The following BPIFB4 variants were observed in gnomAD, a reference collection of about 807,000 sequenced individuals.
BPIFB4 encodes BPI fold containing family B member 4.
A neutral mutation model predicts 69.2 loss-of-function variants in BPIFB4; 62 were observed. The observed-to-expected ratio is 0.90, with a 90% CI of 0.73 to 1.11. The LOEUF (loss-of-function observed/expected upper bound fraction) is 1.11. BPIFB4 is among the 50% of genes least tolerant of loss of function. BPIFB4 has a pLI of 0.00. For synonymous variants in BPIFB4, 330 were observed against 332.7 expected, an observed-to-expected ratio of 0.99 and a Z score of 0.09; for missense variants, 789 against 792.0, an observed-to-expected ratio of 1.00 and a Z score of 0.04.
chr20:33,099,800 T>C (rs1453068354), intron 13 of BPIFB4, among the ~76,000 whole-genome samples: 1 of 152,224 alleles, frequency 6.6e-6, no homozygotes, highest in Admixed American at 6.5e-5. Flanking sequence ...CATTGTTATC[T>C]ACTAACATCA....
intron 3 of BPIFB4, among the ~76,000 whole-genome samples, chr20:33,082,307 G>A (rs923489786): frequency 3.3e-5 from 5 of 151,080 alleles, no homozygotes; most frequent in African/African-American, 1.2e-4. Flanking sequence ...AATCAGTTGC[G>A]ATAATACATA....
chr20:33,108,967 G>T (rs954068971), intron 17 of BPIFB4, among the ~76,000 whole-genome samples: 41 of 152,150 alleles, frequency 2.7e-4, no homozygotes, highest in Non-Finnish European at 8.8e-5. Flanking sequence ...TTCATGACAG[G>T]CTCAGACCCA....
chr20:33,101,143 C>T lies in BPIFB4; in HGVS notation c.1637+650C>T, dbSNP rs537628507. Among the ~76,000 whole-genome samples the T allele has an allele frequency of 9.2e-5, 14 of 152,200 alleles. No homozygotes were observed. The East Asian group carries it at 1.9e-3, about 21-fold the overall frequency. On this transcript the variant is annotated intron_variant, in intron 14 of 17. Transcript: ENST00000375483. ...CTCTGCTCTATGTACTTGAAGTGTA[C>T]GTATTATCTTGTTTCTCCCCTCTGA...
chr20:33,107,201 T>TA lies in BPIFB4; in HGVS notation c.1745-532dup, dbSNP rs1040239751. 3.6e-3 allele frequency among the ~76,000 whole-genome samples: 484 copies of TA among 135,786 alleles called. 3 individuals are homozygous for TA. Among genetic ancestry groups the TA allele is most frequent in the Non-Finnish European group, 5.9e-3 (376 of 63,666 alleles). 89.1% of individuals were successfully genotyped at this position (135,786 alleles called of 152,430 possible). A position where few individuals can be genotyped will look rare whatever the true frequency, so the allele number is the denominator to read the frequency against. On this transcript the variant is annotated intron_variant, in intron 16 of 17. Coordinates refer to ENST00000375483, the MANE Select transcript of BPIFB4 (RefSeq NM_182519.3). ...CTGGGGCAACAGAGCAAGACTCAGT[T>TA]AAAAAAAAAAATGAAAGAAAGAAGG...
intron 15 of BPIFB4, 75 bp from the exon 16 acceptor site, chr20:33,104,735 G>A: frequency 7.1e-7 from 1 of 1,412,094 alleles, no homozygotes; most frequent in Non-Finnish European, 9.9e-7. Flanking sequence ...CTTGAGCCAG[G>A]GGAGCAGACC....
At position 33,088,946 on chromosome 20, in the gene BPIFB4, T is replaced by A. The variant is rs769308715; in HGVS notation, c.927-20T>A. On this transcript the variant is annotated intron_variant, in intron 7 of 17. Coordinates refer to ENST00000375483, the MANE Select transcript of BPIFB4 (RefSeq NM_182519.3). The stretch of plus-strand genomic sequence containing the variant: ...CACATGGCTGCGAGCCTTGACCTCA[T>A]CCTGCTCCTGTCTCCTTAGGCTTCT... 1.2e-6 allele frequency: 2 copies of A among 1,613,504 alleles called. No homozygotes were observed. Among genetic ancestry groups the A allele is most frequent in the Non-Finnish European group, 1.7e-6 (2 of 1,179,558 alleles).
intron 16 of BPIFB4, among the ~76,000 whole-genome samples, chr20:33,107,250 A>AATAAAAGAAG (rs1287648001): frequency 1.6e-5 from 2 of 127,538 alleles, no homozygotes; most frequent in African/African-American, 5.5e-5. Context: ...AAGAAAAGAA[A>AATAAAAGAAG]AGAAAAGAAG....
chr20:33,084,834 G>T, intron 5 of BPIFB4, 58 bp from the exon 6 acceptor site: 1 of 1,573,342 alleles, frequency 6.4e-7, no homozygotes, highest in East Asian at 2.3e-5. Flanking sequence ...GAGGGCGCTC[G>T]GGTGAGTGGG....
At chr20:33,083,998 C>A in intron 5 of BPIFB4, 124 bp downstream of exon 5, 1 of 1,203,216 alleles carries the variant, frequency 8.3e-7, no homozygotes. Context: ...AGGGTTTGGC[C>A]TCAGGATTGG....
At chr20:33,095,762 G>A (rs1284770203) in intron 12 of BPIFB4, among the ~76,000 whole-genome samples, 1 of 152,172 alleles carries the variant, frequency 6.6e-6, no homozygotes, top group Non-Finnish European at 1.5e-5. Flanking sequence ...AAGGCAAGGA[G>A]CAGGCATTTG....
intron 8 of BPIFB4, 33 bp downstream of exon 8, chr20:33,089,062 C>G (rs1210528837): frequency 6.2e-7 from 1 of 1,613,390 alleles, no homozygotes; most frequent in Non-Finnish European, 8.5e-7. Context: ...GAGCAAGGGG[C>G]ACAGGCTTCC....
chr20:33,111,378 C>A (rs376734177), intron 17 of BPIFB4, 36 bp from the exon 18 acceptor site: 1 of 1,613,716 alleles, frequency 6.2e-7, no homozygotes, highest in African/African-American at 1.3e-5. Flanking sequence ...CAGAGCCACC[C>A]CACCCATCAC....
chr20:33,083,287 G>A, intron 4 of BPIFB4, 80 bp from the exon 5 acceptor site: 3 of 1,468,684 alleles, frequency 2.0e-6, no homozygotes, highest in Non-Finnish European at 2.8e-6. Context: ...GAGGGGGGCT[G>A]CTGGGTGGCA....
At chr20:33,096,075 G>A (rs570925212) in intron 12 of BPIFB4, among the ~76,000 whole-genome samples, 6 of 152,102 alleles carry the variant, frequency 3.9e-5, no homozygotes, top group African/African-American at 1.4e-4. Context: ...AAGGCTCTAG[G>A]GGGAGAACAA....
At position 33,103,106 on chromosome 20, in the gene BPIFB4, G is replaced by A; in HGVS notation, c.1680+92G>A. On this transcript the variant is annotated intron_variant, in intron 15 of 17. Coordinates refer to ENST00000375483, the MANE Select transcript of BPIFB4 (RefSeq NM_182519.3). ...AATGGTGTTCCTGTGAGGCTGGCTG[G>A]GCATGGGGAGTTTGTGAATTCCAAA... is the stretch of plus-strand genomic sequence containing the variant. 7.7e-6 allele frequency: 11 copies of A among 1,428,126 alleles called. No homozygotes were observed. The South Asian group carries it at 1.0e-4, about 13-fold the overall frequency. The allele number at this position is 1,428,126 out of a possible 1,614,324, so 88.5% of individuals were successfully genotyped here.
rs1435112038 is a variant in BPIFB4, at chr20:33,090,802, G to A, written c.1143+3G>A. On this transcript the variant is annotated splice_donor_region_variant and intron_variant, in intron 10 of 17. Coordinates refer to ENST00000375483, the MANE Select transcript of BPIFB4 (RefSeq NM_182519.3). Reference sequence around the variant, plus strand: ...AATTCCTGGAGCTGGACCTCAACGTGAGTGCCTGGGGTTCAGGGCAAAGGG... The same window carrying A: ...AATTCCTGGAGCTGGACCTCAACGTAAGTGCCTGGGGTTCAGGGCAAAGGG... 1 of 1,614,048 alleles carries A rather than the reference G, an allele frequency of 6.2e-7. No homozygotes were observed. The highest frequency in any genetic ancestry group is 1.3e-5 in the African/African-American group (1 of 74,922).
intron 14 of BPIFB4, among the ~76,000 whole-genome samples, chr20:33,101,949 C>G (rs1981919620): frequency 6.6e-6 from 1 of 152,194 alleles, no homozygotes; most frequent in Non-Finnish European, 1.5e-5. Context: ...GTGACTAGAT[C>G]ATTGTAAGCT....
chr20:33,104,705 G>C, intron 15 of BPIFB4, 105 bp from the exon 16 acceptor site: 1 of 1,056,274 alleles, frequency 9.5e-7, no homozygotes, highest in Non-Finnish European at 1.4e-6. Context: ...GACTCTCCCA[G>C]AGCAGGTCTG....
At position 33,083,831 on chromosome 20, in the gene BPIFB4, C is replaced by T. The variant is rs1981333190; in HGVS notation, c.634C>T (p.Leu212Phe). The change falls in exon 5 of 18, where the codon CTC becomes TTC. Residue 212 changes from leucine to phenylalanine, a missense_variant. Around this residue, in one of 3 missense-constraint regions of BPIFB4, gnomAD observed 611 missense variants for 575.4 expected, o/e 1.06. Transcript: ENST00000375483. ...TGGAGGAGGGGGTGTCCTGGGCGTG[C>T]TCGGCGAGGGTGGCATCCTCAGCAC... Reference protein sequence around the residue: ...LLGGGGVLGVLGEGGILSTVQ... With the variant: ...LLGGGGVLGVFGEGGILSTVQ... 1.2e-6 allele frequency: 2 copies of T among 1,613,386 alleles called. No individual in the cohort carries two copies. The highest frequency in any genetic ancestry group is 1.7e-6 in the Non-Finnish European group (2 of 1,179,706).
Sources: allele counts gnomAD v4.1 joint callset (sites outside exome capture counted in the v4.1 genomes callset), GRCh38; gene constraint gnomAD v4.1.1; regional missense constraint gnomAD v4.1.1; transcripts MANE v1.5; gene names NCBI Gene and HGNC (gene_info 2026-07-23, HGNC 2026-07-21).